The following THRB variants were observed in gnomAD, a reference collection of about 807,000 sequenced individuals.
THRB encodes the protein nuclear receptor subfamily 1 group A member 2.
THRB carries 12 observed loss-of-function variants against 47.8 expected under a neutral mutation model. The observed-to-expected ratio is 0.25, with a 90% CI of 0.16 to 0.41. The LOEUF (loss-of-function observed/expected upper bound fraction) is 0.41, where lower values mean the gene tolerates loss of function less well. THRB is among the 10% of genes least tolerant of loss of function. The pLI is 1.00. For missense variants in THRB, 348 were observed against 589.2 expected (o/e 0.59, Z 4.24); for synonymous variants, 218 against 212.2 (o/e 1.03, Z -0.24).
chr3:24,250,052 C>A (rs1277111612), intron 3 of THRB, among the ~76,000 whole-genome samples: 1 of 152,142 alleles, frequency 6.6e-6, no homozygotes, highest in African/African-American at 2.4e-5. Flanking sequence ...AGTTGCTGGG[C>A]ACAGAAATAA....
intron 1 of THRB, among the ~76,000 whole-genome samples, chr3:24,434,381 C>G (rs568860600): frequency 6.6e-6 from 1 of 152,140 alleles, no homozygotes. Context: ...AGTGGCAGAA[C>G]GTTTGACACA....
intron 1 of THRB, among the ~76,000 whole-genome samples, chr3:24,341,307 C>T (rs549875268): frequency 1.4e-5 from 2 of 144,704 alleles, no homozygotes; most frequent in African/African-American, 2.6e-5. Flanking sequence ...TCTTGGCTCA[C>T]TGACACTTCC....
chr3:24,330,087 T>C (rs930452050), intron 2 of THRB, among the ~76,000 whole-genome samples: 1 of 151,904 alleles, frequency 6.6e-6, no homozygotes, highest in Non-Finnish European at 1.5e-5. Context: ...GGGTGGATCA[T>C]GAGGTCAGGA....
At chr3:24,350,372 G>A (rs368682459) in intron 1 of THRB, among the ~76,000 whole-genome samples, 4 of 151,962 alleles carry the variant, frequency 2.6e-5, no homozygotes, top group Non-Finnish European at 5.9e-5. Context: ...ATGTGTACAC[G>A]TGGTCACCAA....
chr3:24,287,536 T>C (rs2055441354), intron 3 of THRB, among the ~76,000 whole-genome samples: 1 of 152,174 alleles, frequency 6.6e-6, no homozygotes, highest in Non-Finnish European at 1.5e-5. Flanking sequence ...ATGAGAGTTG[T>C]TCTGGGATTC....
At chr3:24,338,147 C>G (rs1333121104) in intron 1 of THRB, among the ~76,000 whole-genome samples, 3 of 151,986 alleles carry the variant, frequency 2.0e-5, no homozygotes, top group Non-Finnish European at 4.4e-5. Flanking sequence ...GTTCCCACTA[C>G]CCCAAATATA....
At chr3:24,208,185 C>CA (rs747773797) in intron 4 of THRB, among the ~76,000 whole-genome samples, 3,440 of 137,794 alleles carry the variant, frequency 0.025, 34 homozygotes, top group Non-Finnish European at 0.032. Flanking sequence ...CATTGCTCAA[C>CA]AAAAAAAAAA....
intron 1 of THRB, among the ~76,000 whole-genome samples, chr3:24,460,176 A>T (rs2073566542): frequency 6.6e-6 from 1 of 152,212 alleles, no homozygotes; most frequent in Non-Finnish European, 1.5e-5. Flanking sequence ...TCTGTCTTTA[A>T]ACACCAAAAT....
At chr3:24,235,885 C>T (rs368482041) in intron 3 of THRB, among the ~76,000 whole-genome samples, 8 of 152,102 alleles carry the variant, frequency 5.3e-5, no homozygotes, top group Non-Finnish European at 8.8e-5. Flanking sequence ...AGGTAGCAAG[C>T]AACTATTTTT....
chr3:24,442,416 T>G (rs2071617667), intron 1 of THRB, among the ~76,000 whole-genome samples: 2 of 152,218 alleles, frequency 1.3e-5, no homozygotes, highest in South Asian at 4.2e-4. Flanking sequence ...CAGTTCGCAG[T>G]CTTGGAAAAA....
intron 1 of THRB, among the ~76,000 whole-genome samples, chr3:24,372,210 CA>C (rs1220153923): frequency 6.6e-6 from 1 of 151,988 alleles, no homozygotes; most frequent in African/African-American, 2.4e-5. Flanking sequence ...CTCCCCCTCC[CA>C]AAACCCCAAT....
At chr3:24,267,498 C>T (rs1463414834) in intron 3 of THRB, among the ~76,000 whole-genome samples, 2 of 152,140 alleles carry the variant, frequency 1.3e-5, no homozygotes, top group Non-Finnish European at 2.9e-5. Flanking sequence ...CCTCCTGAAG[C>T]CTCTCCTGGG....
Position 24,246,101 on chromosome 3 carries a change from C to T in THRB, c.-42-17100G>A, listed in dbSNP as rs111584203. ...CCCAAAGAAGATAGCATGTCCCTTA[C>T]GGAGATGTTGTAGGAATTAAATGAG... On this transcript the variant is annotated intron_variant, in intron 3 of 10. Coordinates refer to ENST00000646209, the MANE Select transcript of THRB (RefSeq NM_001354712.2). Among the ~76,000 whole-genome samples, 988 of 152,120 alleles carry T rather than the reference C, an allele frequency of 6.5e-3. 7 individuals are homozygous for T. The highest frequency in any genetic ancestry group is 0.017 in the Middle Eastern group (5 of 294).
intron 3 of THRB, among the ~76,000 whole-genome samples, chr3:24,265,555 A>G (rs1291144890): frequency 6.6e-6 from 1 of 152,224 alleles, no homozygotes; most frequent in Non-Finnish European, 1.5e-5. Context: ...ACTGTATAAT[A>G]ATCAAGGTTT....
chr3:24,385,842 T>C (rs2066057688), intron 1 of THRB, among the ~76,000 whole-genome samples: 1 of 152,098 alleles, frequency 6.6e-6, no homozygotes, highest in South Asian at 2.1e-4. Flanking sequence ...CCTGCCCTTT[T>C]CCTGGAACAT....
At position 24,490,288 on chromosome 3, in the gene THRB, C is replaced by G. The variant is rs1001866320; in HGVS notation, c.-261+4364G>C. On this transcript the variant is annotated intron_variant, in intron 1 of 10. Transcript: ENST00000646209. ...GTTAACTTGCCATCCATTGCTCAACCAGCTTTGACACTAGAACAAGCCCTT... is the reference window on the plus strand; with the variant it reads ...GTTAACTTGCCATCCATTGCTCAACGAGCTTTGACACTAGAACAAGCCCTT... Among the ~76,000 whole-genome samples the G allele has an allele frequency of 4.6e-5, 7 of 152,326 alleles. 1 individual carries two copies. The highest frequency in any genetic ancestry group is 4.1e-4 in the South Asian group (2 of 4,824).
intron 1 of THRB, among the ~76,000 whole-genome samples, chr3:24,415,984 G>A (rs1253272623): frequency 3.3e-5 from 5 of 151,756 alleles, no homozygotes; most frequent in Non-Finnish European, 7.4e-5. Context: ...GTATGAATAT[G>A]TATTCATGGT....
At chr3:24,257,508 T>C (rs1667745) in intron 3 of THRB, among the ~76,000 whole-genome samples, 90,541 of 152,070 alleles carry the variant, frequency 0.6, 29,254 homozygotes, top group Middle Eastern at 0.76. Context: ...CTATTCTCTA[T>C]AGACCTATAA....
chr3:24,198,576 G>A (rs571422804), intron 4 of THRB, among the ~76,000 whole-genome samples: 4 of 150,378 alleles, frequency 2.7e-5, no homozygotes, highest in Admixed American at 6.7e-5. Flanking sequence ...CAATTTACAC[G>A]AACATTCTGG....
Sources: allele counts gnomAD v4.1 joint callset (sites outside exome capture counted in the v4.1 genomes callset), GRCh38; gene constraint gnomAD v4.1.1; transcripts MANE v1.5; gene names NCBI Gene and HGNC (gene_info 2026-07-23, HGNC 2026-07-21).